C3orf52: variants seen among roughly 807,000 people sequenced by gnomAD.
The protein encoded by C3orf52 is chromosome 3 open reading frame 52, also known as TPA-induced transmembrane protein.
A neutral mutation model predicts 24.8 loss-of-function variants in C3orf52; 22 were observed. The observed-to-expected ratio is 0.89, with a 90% CI of 0.63 to 1.27. The LOEUF (loss-of-function observed/expected upper bound fraction) is 1.27, where lower values mean the gene tolerates loss of function less well. C3orf52 is among the 50% of genes most tolerant of loss of function. C3orf52 has a pLI of 0.00. For missense variants in C3orf52, 265 were observed against 260.7 expected, an observed-to-expected ratio of 1.02 and a Z score of -0.11; for synonymous variants, 93 against 100.2, an observed-to-expected ratio of 0.93 and a Z score of 0.43.
At chr3:112,109,914 G>T in intron 4 of C3orf52, 1 of 285,012 alleles carries the variant, frequency 3.5e-6, no homozygotes, top group Non-Finnish European at 6.7e-6. Context: ...GCTCAAATAA[G>T]CTAAGGGTAG....
chr3:112,108,527 G>A (rs2074048958), intron 3 of C3orf52, among the ~76,000 whole-genome samples: 1 of 152,204 alleles, frequency 6.6e-6, no homozygotes, highest in African/African-American at 2.4e-5. Context: ...GAGACATTAA[G>A]GATGATTGCT....
At chr3:112,102,441 A>C (rs1336640871) in intron 2 of C3orf52, among the ~76,000 whole-genome samples, 2 of 152,118 alleles carry the variant, frequency 1.3e-5, no homozygotes, top group Non-Finnish European at 2.9e-5. Flanking sequence ...CAATTCCTGC[A>C]CACCCTGGGG....
Position 112,091,706 on chromosome 3 carries a change from A to G in C3orf52, c.139-1654A>G, listed in dbSNP as rs192592791. ...TCGTTTTCTGATGGCCAGCACCAAA[A>G]TAAGAATGGCAGAGAAGGCCAGTCG... On this transcript the variant is annotated intron_variant, in intron 1 of 5. Transcript: ENST00000264848. Among the ~76,000 whole-genome samples, 91 of 151,122 alleles carry G rather than the reference A, an allele frequency of 6.0e-4. 1 individual carries two copies. In the East Asian group the frequency reaches 0.014, roughly 23 times the overall value.
chr3:112,093,598 G>GAAATTTATAA, intron 2 of C3orf52, 109 bp downstream of exon 2: 2 of 1,083,416 alleles, frequency 1.8e-6, no homozygotes, highest in East Asian at 5.0e-5. Context: ...TATTTATAAT[G>GAAATTTATAA]TGAATTTAAG....
At chr3:112,119,766 C>T (rs6774728), downstream of C3orf52, among the ~76,000 whole-genome samples, 430 of 152,348 alleles carry the variant, frequency 2.8e-3, 2 homozygotes, top group Middle Eastern at 0.01. Context: ...GCAGCTTTAT[C>T]CACAGACATC....
downstream of C3orf52, chr3:112,134,526 G>GC (rs1466353171): frequency 6.6e-6 from 1 of 152,096 alleles, no homozygotes; most frequent in Non-Finnish European, 1.5e-5. Context: ...CACCCCTGTC[G>GC]CAAGTCCCGA....
chr3:112,092,638 A>G (rs1259026384), intron 1 of C3orf52, among the ~76,000 whole-genome samples: 1 of 152,186 alleles, frequency 6.6e-6, no homozygotes, highest in Admixed American at 6.5e-5. Context: ...GGTTAAGTGA[A>G]ATGACGCTGG....
intron 3 of C3orf52, among the ~76,000 whole-genome samples, chr3:112,106,529 G>A (rs2074027200): frequency 6.6e-6 from 1 of 152,132 alleles, no homozygotes; most frequent in Non-Finnish European, 1.5e-5. Flanking sequence ...AGAGATTTAG[G>A]AGCAGGTCTG....
At chr3:112,093,056 C>T (rs1306890636) in intron 1 of C3orf52, among the ~76,000 whole-genome samples, 1 of 152,114 alleles carries the variant, frequency 6.6e-6, no homozygotes, top group Non-Finnish European at 1.5e-5. Context: ...GTCTGCTGGC[C>T]GGTTCCATTA....
intron 4 of C3orf52, among the ~76,000 whole-genome samples, chr3:112,126,549 T>C (rs1392437352): frequency 6.6e-6 from 1 of 152,196 alleles, no homozygotes; most frequent in Non-Finnish European, 1.5e-5. Context: ...CTGGGTGATA[T>C]CTTTAATACA....
chr3:112,124,259 A>G (rs1358770708), intron 4 of C3orf52, among the ~76,000 whole-genome samples: 3 of 152,158 alleles, frequency 2.0e-5, no homozygotes, highest in Non-Finnish European at 4.4e-5. Flanking sequence ...GTGGACTAAG[A>G]CACTACCCAT....
chr3:112,103,873 G>A (rs900745289), intron 3 of C3orf52, among the ~76,000 whole-genome samples: 15 of 152,192 alleles, frequency 9.9e-5, no homozygotes, highest in Admixed American at 1.3e-4. Context: ...GAAGGCAGGC[G>A]TCAGGTCATG....
At chr3:112,128,695 G>A in exon 5 of C3orf52, 1 of 162,482 alleles carries the variant, frequency 6.2e-6, no homozygotes. Context: ...CAGGAGGTCA[G>A]CAAATCTACC....
intron 5 of C3orf52, among the ~76,000 whole-genome samples, chr3:112,114,709 G>GA (rs944217577): frequency 4.6e-5 from 7 of 150,882 alleles, no homozygotes; most frequent in Non-Finnish European, 7.4e-5. Context: ...CATTTCAAAA[G>GA]AAAAAAAAAC....
At chr3:112,132,201 T>C (rs982347535), downstream of C3orf52, among the ~76,000 whole-genome samples, 4 of 152,108 alleles carry the variant, frequency 2.6e-5, no homozygotes, top group African/African-American at 9.7e-5. Flanking sequence ...GGAAGGGACA[T>C]GAGATATTCC....
chr3:112,124,068 T>G lies in C3orf52; in HGVS notation c.*47-4165T>G, dbSNP rs564492643. Among the ~76,000 whole-genome samples the G allele has an allele frequency of 1.1e-3, 170 of 152,354 alleles. 2 individuals carry two copies. Among genetic ancestry groups the G allele is most frequent in the Non-Finnish European group, 2.0e-3 (136 of 68,036 alleles). Reference sequence around the variant, plus strand: ...CCCTGCAAATCTAATGTTGAAATTTTGTTCCCATTGTTGGAGGTGGTGCCT... The same window carrying G: ...CCCTGCAAATCTAATGTTGAAATTTGGTTCCCATTGTTGGAGGTGGTGCCT... On this transcript the variant is annotated intron_variant, in intron 4 of 4. Transcript: ENST00000480282.
rs6809741 is a variant in C3orf52 at position 112,110,055 on chromosome 3, C to T, written c.467+442C>T. The stretch of plus-strand genomic sequence containing the variant: ...ATTAAAGATGTAAAGAGGGGCCGGG[C>T]GTGGTAGCTCACGCCTGTAATCCCA... On this transcript the variant is annotated intron_variant, in intron 4 of 5. Coordinates refer to ENST00000264848, the MANE Select transcript of C3orf52 (RefSeq NM_024616.3). 3.6e-3 allele frequency among the ~76,000 whole-genome samples: 553 copies of T among 152,290 alleles called. 4 individuals carry two copies. The highest frequency in any genetic ancestry group is 0.014 in the Middle Eastern group (4 of 294).
chr3:112,125,384 G>C (rs1456394582), intron 4 of C3orf52: 2 of 677,048 alleles, frequency 3.0e-6, no homozygotes. Context: ...AGGCTATTCT[G>C]ATCTACAGCA....
chr3:112,130,573 T>A (rs2074429688), downstream of C3orf52: 2 of 1,465,256 alleles, frequency 1.4e-6, no homozygotes, highest in African/African-American at 2.8e-5. Flanking sequence ...GTCACTTCTT[T>A]TCATAATTTT....
Sources: gnomAD v4.1 joint callset for allele counts (sites outside exome capture counted in the v4.1 genomes callset) on GRCh38, gnomAD v4.1.1 for gene constraint, MANE v1.5 for transcripts, NCBI Gene and HGNC (gene_info 2026-07-23, HGNC 2026-07-21) for gene names.